ZNF354A: variants seen among roughly 807,000 people sequenced by gnomAD.
ZNF354A encodes epididymis luminal protein 104.
ZNF354A carries 25 observed loss-of-function variants against 53.3 expected under a neutral mutation model. The observed-to-expected ratio is 0.47, with a 90% confidence interval of 0.34 to 0.66. The LOEUF (loss-of-function observed/expected upper bound fraction) is 0.66, where lower values mean the gene tolerates loss of function less well. Among genes scored for constraint, ZNF354A ranks in the 30% least tolerant of loss-of-function variants. The pLI is 0.01. For synonymous variants in ZNF354A, 228 were observed against 249.0 expected (o/e 0.92, Z 0.79); for missense variants, 586 against 716.8 (o/e 0.82, Z 2.08).
Position 178,712,369 on chromosome 5 carries a change from G to C in ZNF354A, c.1509C>G (p.Phe503Leu). ...GATTACTAAGTGATGAGTTACACCT[G>C]AATGTTTTCCCACACTCGTTACATT... Reference protein sequence around the residue: ...PYKCNECGKTFRCNSSLSNHQ... With the variant: ...PYKCNECGKTLRCNSSLSNHQ... The change falls in exon 5 of 5, where the codon TTC (phenylalanine) becomes TTG (leucine). Residue 503 changes from phenylalanine (F) to leucine (L), a missense_variant. Around this residue, in one of 2 missense-constraint regions of ZNF354A, gnomAD observed 573 missense variants for 680.1 expected, o/e 0.84. Coordinates refer to ENST00000335815, the MANE Select transcript of ZNF354A (RefSeq NM_005649.3). 1.2e-6 allele frequency: 2 copies of C among 1,613,708 alleles called. No homozygotes were observed. The highest frequency in any genetic ancestry group is 1.7e-6 in the Non-Finnish European group (2 of 1,179,654).
intron 4 of ZNF354A, among the ~76,000 whole-genome samples, chr5:178,720,918 T>C (rs528653446): frequency 2.0e-5 from 3 of 152,228 alleles, no homozygotes; most frequent in African/African-American, 4.8e-5. Flanking sequence ...ATAATTCTTT[T>C]TGTGGCTAAG....
At chr5:178,725,551 G>A (rs1031343499) in intron 3 of ZNF354A, 80 bp from the exon 4 acceptor site, 1 of 1,424,528 alleles carries the variant, frequency 7.0e-7, no homozygotes, top group African/African-American at 1.4e-5. Context: ...TTTAAATACA[G>A]AACTCACAGG....
At chr5:178,730,277 C>T (rs1215575271) in intron 1 of ZNF354A, among the ~76,000 whole-genome samples, 4 of 152,114 alleles carry the variant, frequency 2.6e-5, no homozygotes, top group Non-Finnish European at 5.9e-5. Flanking sequence ...CCCTCGGGGT[C>T]CCGGTGCCCC....
rs199620032 is a variant in ZNF354A, at chr5:178,712,384, C to T, written c.1494G>A (p.Glu498=). Residue 498 remains glutamate, a synonymous_variant, in exon 5 of 5, where the codon GAG becomes GAA. Transcript: ENST00000335815. ...HTGERPYKCN[E]CGKTFRCNSS... ...AGTTACACCTGAATGTTTTCCCACA[C>T]TCGTTACATTTATAGGGTCTTTCTC... 4.1e-3 allele frequency: 6,582 copies of T among 1,610,016 alleles called. 83 individuals carry two copies. Among genetic ancestry groups the T allele is most frequent in the Admixed American group, 6.1e-3 (364 of 59,838 alleles).
rs754022802 is a variant in ZNF354A at position 178,713,629 on chromosome 5, GAA to G, written c.257-10_257-9del. ...TATGACTGCTCTTCGATCCTGGAGGGAAAAAAAAAATCAAAAATGTTTCATGT... is the reference window on the plus strand; with the variant it reads ...TATGACTGCTCTTCGATCCTGGAGGGAAAAAAAATCAAAAATGTTTCATGT... On this transcript the variant is annotated splice_polypyrimidine_tract_variant and intron_variant, in intron 4 of 4. Coordinates refer to ENST00000335815, the MANE Select transcript of ZNF354A (RefSeq NM_005649.3). 1 of 1,438,804 alleles carries G rather than the reference GAA, an allele frequency of 7.0e-7. No individual in the cohort carries two copies. The allele number at this position is 1,438,804 out of a possible 1,614,324, so 89.1% of individuals were successfully genotyped here.
intron 4 of ZNF354A, among the ~76,000 whole-genome samples, chr5:178,717,545 G>A (rs1765738247): frequency 6.6e-6 from 1 of 151,870 alleles, no homozygotes; most frequent in South Asian, 2.1e-4. Flanking sequence ...AAAGGGGCAA[G>A]GCTGAGGGGG....
intron 4 of ZNF354A, among the ~76,000 whole-genome samples, chr5:178,713,948 G>T (rs1765670319): frequency 6.6e-6 from 1 of 151,342 alleles, no homozygotes; most frequent in East Asian, 1.9e-4. Context: ...TTGGGGTTAG[G>T]ACCCAAAACC....
chr5:178,717,598 T>C (rs961031221), intron 4 of ZNF354A, among the ~76,000 whole-genome samples: 1 of 152,018 alleles, frequency 6.6e-6, no homozygotes, highest in African/African-American at 2.4e-5. Flanking sequence ...GATGCCTTAA[T>C]AGAGTTGCAG....
chr5:178,727,119 G>C lies in ZNF354A; in HGVS notation c.40C>G (p.Leu14Val). ...GQREARPQVS[L>V]TFEDVAVLFT... The stretch of plus-strand genomic sequence containing the variant: ...AGCACAGCCACATCCTCAAACGTCA[G>C]TGACACCTGTAAGGACAAGTCGTTC... The change falls in exon 3 of 5, where the codon CTG (leucine) becomes GTG (valine). Residue 14 changes from leucine to valine, a missense_variant. This residue lies in a region of ZNF354A where 13 missense variants were observed against 36.7 expected (regional missense o/e 0.35). Transcript: ENST00000335815. 2 of 1,613,366 alleles carry C rather than the reference G, an allele frequency of 1.2e-6. No homozygotes were observed. The highest frequency in any genetic ancestry group is 1.7e-6 in the Non-Finnish European group (2 of 1,179,664).
intron 3 of ZNF354A, among the ~76,000 whole-genome samples, chr5:178,725,749 A>G (rs978644721): frequency 6.6e-6 from 1 of 152,202 alleles, no homozygotes; most frequent in African/African-American, 2.4e-5. Context: ...ATAGAAGAGG[A>G]AATGTTAAGA....
In ZNF354A at chr5:178,719,966, A is replaced by C. The variant is rs553863930; in HGVS notation, c.256+5410T>G. ...CGTCTCAAAAAAAAAAAAAAATGTC[A>C]CTTGCATTTGCAGTCTCACAAGGTT... On this transcript the variant is annotated intron_variant, in intron 4 of 4. Coordinates refer to ENST00000335815, the MANE Select transcript of ZNF354A (RefSeq NM_005649.3). Among the ~76,000 whole-genome samples the C allele has an allele frequency of 1.2e-4, 18 of 151,708 alleles. No homozygotes were observed. The East Asian group carries it at 3.5e-3, about 29-fold the overall frequency.
intron 1 of ZNF354A, among the ~76,000 whole-genome samples, 180 bp downstream of exon 1, chr5:178,730,376 C>A (rs1420622999): frequency 2.0e-5 from 3 of 150,486 alleles, no homozygotes; most frequent in African/African-American, 7.3e-5. Flanking sequence ...CGCGGGTGCA[C>A]CAGCAACGGC....
At chr5:178,725,274 G>C (rs372041798) in intron 4 of ZNF354A, 102 bp downstream of exon 4, 11 of 1,139,908 alleles carry the variant, frequency 9.6e-6, no homozygotes, top group African/African-American at 7.7e-5. Context: ...ACTTCTTGAG[G>C]CCTGAGAATT....
At chr5:178,716,251 TA>T (rs1765711363) in intron 4 of ZNF354A, among the ~76,000 whole-genome samples, 1 of 152,106 alleles carries the variant, frequency 6.6e-6, no homozygotes. Context: ...GGTCCTCCAA[TA>T]GATTTTCAAT....
chr5:178,721,210 G>A (rs569623330), intron 4 of ZNF354A, among the ~76,000 whole-genome samples: 1 of 151,742 alleles, frequency 6.6e-6, no homozygotes. Context: ...GATATGTTCT[G>A]AGATACGCGT....
intron 3 of ZNF354A, 149 bp downstream of exon 3, chr5:178,726,850 T>G: frequency 8.1e-7 from 1 of 1,233,498 alleles, no homozygotes; most frequent in Non-Finnish European, 1.1e-6. Flanking sequence ...GGGGAATAGG[T>G]TTTTAATGTT....
chr5:178,726,029 A>T (rs931582527), intron 3 of ZNF354A: 6 of 357,842 alleles, frequency 1.7e-5, no homozygotes, highest in Non-Finnish European at 3.4e-5. Flanking sequence ...TTTTCAGTAG[A>T]GACAGGGTTT....
At chr5:178,722,913 G>A (rs1765837069) in intron 4 of ZNF354A, among the ~76,000 whole-genome samples, 1 of 152,334 alleles carries the variant, frequency 6.6e-6, no homozygotes, top group East Asian at 1.9e-4. Flanking sequence ...TGCAGCACAA[G>A]GAAGTGAGCG....
chr5:178,714,617 C>A (rs1765682263), intron 4 of ZNF354A, among the ~76,000 whole-genome samples: 3 of 152,304 alleles, frequency 2.0e-5, no homozygotes, highest in Middle Eastern at 3.4e-3. Context: ...CTTGACAGCA[C>A]TCCAATTATA....
Sources: gnomAD v4.1 joint callset for allele counts (sites outside exome capture counted in the v4.1 genomes callset) on GRCh38, gnomAD v4.1.1 for gene constraint, gnomAD v4.1.1 regional missense constraint, MANE v1.5 for transcripts, NCBI Gene and HGNC (gene_info 2026-07-23, HGNC 2026-07-21) for gene names.